HOMER1: variants seen among roughly 807,000 people sequenced by gnomAD.
HOMER1 encodes homer scaffold protein 1.
HOMER1 carries 3 observed loss-of-function variants against 48.9 expected under a neutral mutation model. The ratio of observed to expected loss-of-function variants is 0.06; its 90% CI spans 0.03 to 0.16. The LOEUF (loss-of-function observed/expected upper bound fraction) is 0.16. Among genes scored for constraint, HOMER1 ranks in the 10% least tolerant of loss-of-function variants. HOMER1 has a pLI of 1.00. For synonymous variants in HOMER1, 134 were observed against 146.4 expected (o/e 0.92, Z 0.61); for missense variants, 247 against 411.4 (o/e 0.60, Z 3.46).
At position 79,502,984 on chromosome 5, in the gene HOMER1, G is replaced by A. The variant is rs540154777; in HGVS notation, c.5+9786C>T. ...TTTTTGTATTTTAAGTAGAGACAGG[G>A]TTTCACCGTGTTAGCCAGGACGGTC... is the stretch of plus-strand genomic sequence containing the variant. On this transcript the variant is annotated intron_variant, in intron 1 of 8. Coordinates refer to ENST00000334082, the MANE Select transcript of HOMER1 (RefSeq NM_004272.5). 2.7e-5 allele frequency among the ~76,000 whole-genome samples: 4 copies of A among 150,164 alleles called. No individual in the cohort carries two copies. In the South Asian group the frequency reaches 6.3e-4, roughly 24 times the overall value.
At chr5:79,443,264 A>C (rs7702760) in intron 4 of HOMER1, among the ~76,000 whole-genome samples, 45,704 of 152,092 alleles carry the variant, frequency 0.3, 6,986 homozygotes, top group East Asian at 0.42. Context: ...TAAATGGCTA[A>C]AAAATTAAAA....
chr5:79,402,776 T>C (rs532969860), intron 5 of HOMER1, among the ~76,000 whole-genome samples: 9 of 152,328 alleles, frequency 5.9e-5, no homozygotes, highest in Admixed American at 5.9e-4. Flanking sequence ...TGAAAACATA[T>C]GAGGATGCTT....
chr5:79,413,693 T>TA (rs34091926), intron 5 of HOMER1, among the ~76,000 whole-genome samples: 438 of 141,536 alleles, frequency 3.1e-3, no homozygotes, highest in Middle Eastern at 3.6e-3. Flanking sequence ...AATTTTAACG[T>TA]AAAAAAAAAA....
intron 8 of HOMER1, among the ~76,000 whole-genome samples, chr5:79,381,357 C>T (rs1015710639): frequency 6.6e-6 from 1 of 152,192 alleles, no homozygotes; most frequent in Non-Finnish European, 1.5e-5. Context: ...AAAGAATCTT[C>T]CCCTATGAAA....
intron 8 of HOMER1, among the ~76,000 whole-genome samples, chr5:79,394,481 T>G (rs1261889585): frequency 6.6e-6 from 1 of 152,226 alleles, no homozygotes; most frequent in African/African-American, 2.4e-5. Context: ...TTTGATAATA[T>G]TTTTGATATT....
At chr5:79,493,938 G>C (rs1343492743) in intron 1 of HOMER1, among the ~76,000 whole-genome samples, 1 of 152,098 alleles carries the variant, frequency 6.6e-6, no homozygotes, top group Non-Finnish European at 1.5e-5. Context: ...ATGGCAATTT[G>C]ATTTCCACCC....
Position 79,415,306 on chromosome 5 carries a change from T to C in HOMER1, c.528-13251A>G, listed in dbSNP as rs531486419. On this transcript the variant is annotated intron_variant, in intron 5 of 8. Transcript: ENST00000334082. Reference sequence around the variant, plus strand: ...AACTCCTGGGCCCAGGCAATCCACCTGCCTCAGCCTCCCAAAGGGTTGGCA... The same window carrying C: ...AACTCCTGGGCCCAGGCAATCCACCCGCCTCAGCCTCCCAAAGGGTTGGCA... Among the ~76,000 whole-genome samples the C allele has an allele frequency of 4.6e-5, 7 of 151,956 alleles. No homozygotes were observed. In the South Asian group the frequency reaches 1.5e-3, roughly 32 times the overall value.
chr5:79,438,437 T>C (rs531910678), intron 5 of HOMER1, among the ~76,000 whole-genome samples: 1 of 152,286 alleles, frequency 6.6e-6, no homozygotes, highest in African/African-American at 2.4e-5. Flanking sequence ...CTTTTAAAAT[T>C]CAAAAGCAAG....
intron 5 of HOMER1, among the ~76,000 whole-genome samples, chr5:79,429,694 G>T (rs1270359669): frequency 1.3e-5 from 2 of 152,178 alleles, no homozygotes; most frequent in Middle Eastern, 6.8e-3. Context: ...TACCAAAAGT[G>T]CAAGAAAGAA....
chr5:79,451,975 A>T (rs116464280), intron 2 of HOMER1, among the ~76,000 whole-genome samples: 1 of 152,186 alleles, frequency 6.6e-6, no homozygotes, highest in Non-Finnish European at 1.5e-5. Flanking sequence ...TTACTCAAGG[A>T]AAAAACAAAC....
chr5:79,463,659 T>C (rs1751378977), intron 1 of HOMER1, among the ~76,000 whole-genome samples: 1 of 152,210 alleles, frequency 6.6e-6, no homozygotes, highest in Non-Finnish European at 1.5e-5. Flanking sequence ...CCCAATACTG[T>C]AATTGGTGGC....
chr5:79,429,080 G>A (rs887864978), intron 5 of HOMER1, among the ~76,000 whole-genome samples: 11 of 152,278 alleles, frequency 7.2e-5, no homozygotes, highest in South Asian at 4.1e-4. Context: ...TTAAGACAGC[G>A]TAGGCCGGGC....
rs1409923540 is a variant in HOMER1 at position 79,372,739 on chromosome 5, T to TA, written c.*3269dup. On this transcript the variant is annotated 3_prime_UTR_variant, in exon 9 of 9. Transcript: ENST00000334082. Reference sequence around the variant, plus strand: ...TGACAAAATCAGGACCACAAGGAGATAAATGACCGAAGTGTATATGCTTCA... The same window carrying TA: ...TGACAAAATCAGGACCACAAGGAGATAAAATGACCGAAGTGTATATGCTTCA... 3 of 152,168 alleles carry TA rather than the reference T, an allele frequency of 2.0e-5. No homozygotes were observed. Among genetic ancestry groups the TA allele is most frequent in the Admixed American group, 6.5e-5 (1 of 15,268 alleles). 9.4% of individuals were successfully genotyped at this position (152,168 alleles called of 1,614,324 possible).
At chr5:79,461,929 T>G (rs771949002) in intron 1 of HOMER1, among the ~76,000 whole-genome samples, 100 of 152,232 alleles carry the variant, frequency 6.6e-4, no homozygotes, top group Non-Finnish European at 1.2e-3. Context: ...CCGGGCGCAG[T>G]GGCTCACGCC....
At chr5:79,382,806 A>G (rs1197158172) in intron 8 of HOMER1, among the ~76,000 whole-genome samples, 1 of 152,224 alleles carries the variant, frequency 6.6e-6, no homozygotes, top group Non-Finnish European at 1.5e-5. Context: ...ATGACGAACA[A>G]TAGGAGAAAA....
At chr5:79,386,399 G>T (rs1749110718) in intron 8 of HOMER1, among the ~76,000 whole-genome samples, 1 of 152,174 alleles carries the variant, frequency 6.6e-6, no homozygotes, top group Non-Finnish European at 1.5e-5. Flanking sequence ...ACTGATATGT[G>T]GGACCTGAAG....
intron 5 of HOMER1, among the ~76,000 whole-genome samples, chr5:79,420,345 G>A (rs1750063657): frequency 6.6e-6 from 1 of 151,986 alleles, no homozygotes; most frequent in African/African-American, 2.4e-5. Flanking sequence ...ACACCTAACT[G>A]CTTCAAAGGC....
intron 5 of HOMER1, among the ~76,000 whole-genome samples, chr5:79,408,367 T>C (rs183284125): frequency 1.4e-4 from 21 of 152,232 alleles, no homozygotes; most frequent in Middle Eastern, 3.4e-3. Context: ...AGATAATTTA[T>C]TACTAGAAGA....
chr5:79,467,594 G>A (rs1751507059), intron 1 of HOMER1, among the ~76,000 whole-genome samples: 1 of 152,074 alleles, frequency 6.6e-6, no homozygotes, highest in Admixed American at 6.6e-5. Context: ...AAGATTCAGA[G>A]ATACTTGAAC....
Sources: gnomAD v4.1 joint callset for allele counts (sites outside exome capture counted in the v4.1 genomes callset) on GRCh38, gnomAD v4.1.1 for gene constraint, MANE v1.5 for transcripts, NCBI Gene and HGNC (gene_info 2026-07-23, HGNC 2026-07-21) for gene names.